DYSF: variants seen among roughly 807,000 people sequenced by gnomAD.
The protein encoded by DYSF is dystrophy-associated fer-1-like 1.
DYSF carries 212 observed loss-of-function variants against 274.9 expected under a neutral mutation model. That is an observed-to-expected ratio of 0.77 (90% CI 0.69 to 0.86). The LOEUF (loss-of-function observed/expected upper bound fraction) is 0.86, where lower values mean the gene tolerates loss of function less well. DYSF is among the 40% of genes least tolerant of loss of function. The probability of loss-of-function intolerance (pLI) is 0.00; values close to 1 mark genes in which losing one functional copy is unlikely to be tolerated. For missense variants in DYSF, 2,666 were observed against 2,783.2 expected, an observed-to-expected ratio of 0.96 and a Z score of 0.95; for synonymous variants, 1,091 against 1,078.7, an observed-to-expected ratio of 1.01 and a Z score of -0.22.
upstream of DYSF, among the ~76,000 whole-genome samples, chr2:71,466,175 A>T (rs1405681195): frequency 6.6e-6 from 1 of 151,970 alleles, no homozygotes. Context: ...CCTGGCGCAG[A>T]TCATGGGGCA....
chr2:71,485,533 A>G (rs961139087), intron 3 of DYSF, among the ~76,000 whole-genome samples: 3 of 152,196 alleles, frequency 2.0e-5, no homozygotes, highest in Admixed American at 2.0e-4. Context: ...CCAGGAGAAC[A>G]TGGGATGTGT....
chr2:71,528,163 G>T, intron 13 of DYSF, 135 bp from the exon 14 acceptor site: 1 of 774,898 alleles, frequency 1.3e-6, no homozygotes, highest in South Asian at 1.5e-5. Flanking sequence ...GAGCCCCTGG[G>T]CTGAGTCCCT....
intron 32 of DYSF, among the ~76,000 whole-genome samples, chr2:71,591,307 G>T (rs1318405005): frequency 1.3e-5 from 2 of 152,210 alleles, no homozygotes; most frequent in African/African-American, 4.8e-5. Flanking sequence ...CACTTGGCCA[G>T]TGCCTTACCA....
In DYSF at chr2:71,682,544, C is replaced by T; in HGVS notation, c.6188C>T (p.Ser2063Phe). ...CTCGCTTCCAGGCGCCCCGACACCT[C>T]CTTCCTGTGGTTTACCTCCCCATAC... ...KLEDPRRPDT[S>F]FLWFTSPYKT... Residue 2063 changes from serine to phenylalanine, a missense_variant, in exon 55 of 56, where the codon TCC becomes TTC. Physicochemically the swap from Ser to Phe is radical, Grantham distance 155 (BLOSUM62 -2). Coordinates refer to ENST00000410020, the MANE Select transcript of DYSF (RefSeq NM_001130987.2). The T allele has an allele frequency of 6.2e-7, 1 of 1,614,144 alleles. No individual in the cohort carries two copies. Among genetic ancestry groups the T allele is most frequent in the South Asian group, 1.1e-5 (1 of 91,064 alleles).
chr2:71,520,933 C>T (rs1455038863), intron 12 of DYSF, 29 bp downstream of exon 12: 29 of 1,602,290 alleles, frequency 1.8e-5, no homozygotes, highest in South Asian at 2.2e-5. Flanking sequence ...GTCTTCCTTA[C>T]GGTCCCCCAC....
chr2:71,551,264 T>C, intron 18 of DYSF, 108 bp downstream of exon 18: 2 of 1,143,562 alleles, frequency 1.7e-6, no homozygotes, highest in Non-Finnish European at 2.6e-6. Context: ...GCCCACGACC[T>C]GGCAGCCAAC....
chr2:71,586,683 A>G (rs994544142), intron 30 of DYSF, among the ~76,000 whole-genome samples: 1 of 152,054 alleles, frequency 6.6e-6, no homozygotes, highest in African/African-American at 2.4e-5. Flanking sequence ...TGGTGCTGAC[A>G]GGGGCCCAGT....
At chr2:71,594,504 A>G (rs1377968386) in intron 32 of DYSF, among the ~76,000 whole-genome samples, 1 of 151,996 alleles carries the variant, frequency 6.6e-6, no homozygotes, top group Admixed American at 6.6e-5. Context: ...TCCCCAGAAA[A>G]CCCACCACTC....
chr2:71,481,877 A>G lies in DYSF; in HGVS notation c.148-2A>G. The G allele has an allele frequency of 6.2e-7, 1 of 1,613,696 alleles. No individual in the cohort carries two copies. ...AAGATGCCTTTTCTCTTTTTCTTCC[A>G]GGGATTTGAATGGGACCTCAAGGGC... is the stretch of plus-strand genomic sequence containing the variant. On this transcript the variant is annotated splice_acceptor_variant, in intron 2 of 55. Coordinates refer to ENST00000410020, the MANE Select transcript of DYSF (RefSeq NM_001130987.2). LOFTEE classifies it high-confidence loss of function.
intron 1 of DYSF, among the ~76,000 whole-genome samples, chr2:71,473,640 G>C (rs1201250887): frequency 6.6e-6 from 1 of 152,046 alleles, no homozygotes; most frequent in East Asian, 1.9e-4. Context: ...CTTCCCATTC[G>C]CCAAGCCGAT....
At chr2:71,682,245 G>A (rs186808406) in intron 54 of DYSF, among the ~76,000 whole-genome samples, 104 of 152,236 alleles carry the variant, frequency 6.8e-4, no homozygotes, top group African/African-American at 2.4e-3. Context: ...AGGGCACCAA[G>A]GAAGGTGTCC....
At chr2:71,671,501 A>T (rs1002765616) in intron 51 of DYSF, among the ~76,000 whole-genome samples, 1 of 152,232 alleles carries the variant, frequency 6.6e-6, no homozygotes, top group East Asian at 1.9e-4. Context: ...GGAGACTGAG[A>T]CCGAGAGGAA....
At chr2:71,661,860 C>T (rs540272129) in intron 45 of DYSF, among the ~76,000 whole-genome samples, 183 of 152,214 alleles carry the variant, frequency 1.2e-3, no homozygotes, top group Non-Finnish European at 1.7e-3. Context: ...GTGAACCAGC[C>T]CTGGCCAGTG....
chr2:71,618,225 AGGT>A (rs2093963720), intron 40 of DYSF, among the ~76,000 whole-genome samples: 2 of 80,818 alleles, frequency 2.5e-5, no homozygotes, highest in African/African-American at 5.1e-5. Flanking sequence ...TGTGTGGTAG[AGGT>A]GGGGTGTGTG....
rs756670974 is a variant in DYSF, at chr2:71,668,748, C to T, written c.5458-6C>T. ...GGTGGGGAGAGAACGGACCCTGTCTCCGCAGGGGAAGCTGCAGATGTGGGT... is the reference window on the plus strand; with the variant it reads ...GGTGGGGAGAGAACGGACCCTGTCTTCGCAGGGGAAGCTGCAGATGTGGGT... On this transcript the variant is annotated splice_region_variant and splice_polypyrimidine_tract_variant and intron_variant, in intron 48 of 55. Transcript: ENST00000410020. 1 of 1,613,144 alleles carries T rather than the reference C, an allele frequency of 6.2e-7. No homozygotes were observed. The highest frequency in any genetic ancestry group is 8.5e-7 in the Non-Finnish European group (1 of 1,179,706).
At chr2:71,542,348 A>G (rs1254649637) in intron 17 of DYSF, among the ~76,000 whole-genome samples, 2 of 148,436 alleles carry the variant, frequency 1.3e-5, no homozygotes, top group Admixed American at 6.7e-5. Flanking sequence ...AAAATGGGCT[A>G]TTGCATTTGT....
chr2:71,646,680 A>T (rs75698996), intron 42 of DYSF, among the ~76,000 whole-genome samples: 3,125 of 152,284 alleles, frequency 0.021, 45 homozygotes, highest in Middle Eastern at 0.041. Flanking sequence ...ACAAGAAAGC[A>T]TTAAAAACAG....
At chr2:71,567,862 G>A in intron 24 of DYSF, 89 bp from the exon 25 acceptor site, 1 of 1,575,578 alleles carries the variant, frequency 6.3e-7, no homozygotes, top group Non-Finnish European at 8.6e-7. Context: ...GCTCTACCCA[G>A]GCTTGGAGGA....
At chr2:71,520,944 G>A (rs1003497409) in intron 12 of DYSF, 40 bp downstream of exon 12, 16 of 1,590,700 alleles carry the variant, frequency 1.0e-5, no homozygotes, top group South Asian at 3.3e-5. Flanking sequence ...GGTCCCCCAC[G>A]CGGCACTTGG....
Sources: allele counts gnomAD v4.1 joint callset (sites outside exome capture counted in the v4.1 genomes callset), GRCh38; gene constraint gnomAD v4.1.1; transcripts MANE v1.5; gene names NCBI Gene and HGNC (gene_info 2026-07-23, HGNC 2026-07-21).